Variants in PTGR2 observed in about 807,000 individuals in gnomAD.
PTGR2 encodes 15-oxoprostaglandin 13-reductase.
A neutral mutation model predicts 43.4 loss-of-function variants in PTGR2; 32 were observed. That is an observed-to-expected ratio of 0.74 (90% CI 0.56 to 0.99). PTGR2 has a LOEUF of 0.99. Ranked by LOEUF, PTGR2 falls within the 50% of genes least tolerant of loss-of-function variation. The pLI is 0.00. For missense variants in PTGR2, 373 were observed against 420.0 expected (o/e 0.89, Z 0.98); for synonymous variants, 106 against 139.2 (o/e 0.76, Z 1.68).
intron 3 of PTGR2, among the ~76,000 whole-genome samples, chr14:73,868,683 T>C (rs1361552401): frequency 3.9e-5 from 6 of 152,134 alleles, no homozygotes; most frequent in Middle Eastern, 3.4e-3. Flanking sequence ...CACCCCTGTA[T>C]ATCAGAGCCC....
chr14:73,878,977 TA>T, intron 5 of PTGR2, 118 bp from the exon 6 acceptor site: 1 of 775,440 alleles, frequency 1.3e-6, no homozygotes. Context: ...AAAAGCAGCG[TA>T]ATCTAACCTT....
intron 1 of PTGR2, among the ~76,000 whole-genome samples, chr14:73,852,330 C>T (rs769598392): frequency 1.4e-4 from 22 of 152,272 alleles, no homozygotes; most frequent in Middle Eastern, 3.4e-3. Flanking sequence ...GGCGCGATCT[C>T]GGCTCACTGC....
chr14:73,881,065 TA>T lies in PTGR2; in HGVS notation c.852-136del, dbSNP rs761900760. On this transcript the variant is annotated intron_variant, in intron 7 of 9. Coordinates refer to ENST00000555661, the MANE Select transcript of PTGR2 (RefSeq NM_001146154.2). ...CTACATTTACACCTGTAACTATGCA[TA>T]AAACTATCTGATCAGACTCAATGTG... The T allele has an allele frequency of 4.0e-4, 217 of 544,018 alleles. 1 individual carries two copies. The highest frequency in any genetic ancestry group is 5.6e-4 in the Non-Finnish European group (165 of 297,126). 33.7% of individuals were successfully genotyped at this position (544,018 alleles called of 1,614,324 possible). A position where few individuals can be genotyped will look rare whatever the true frequency, so the allele number is the denominator to read the frequency against.
intron 3 of PTGR2, among the ~76,000 whole-genome samples, chr14:73,864,862 T>C (rs2054568270): frequency 6.6e-6 from 1 of 152,232 alleles, no homozygotes; most frequent in Non-Finnish European, 1.5e-5. Flanking sequence ...GACTCATATC[T>C]AAGAAGGCTT....
chr14:73,877,307 C>T, intron 5 of PTGR2, 139 bp downstream of exon 5: 1 of 748,964 alleles, frequency 1.3e-6, no homozygotes, highest in Non-Finnish European at 2.0e-6. Context: ...ACAGAGTCTC[C>T]AGGCTGGAGT....
At chr14:73,860,733 T>C (rs2054471228) in intron 3 of PTGR2, 76 bp downstream of exon 3, 1 of 763,770 alleles carries the variant, frequency 1.3e-6, no homozygotes, top group South Asian at 1.5e-5. Flanking sequence ...TGAATCTTAT[T>C]GTGCAGTCCC....
chr14:73,868,478 G>A (rs2054653333), intron 3 of PTGR2, among the ~76,000 whole-genome samples: 1 of 152,060 alleles, frequency 6.6e-6, no homozygotes, highest in East Asian at 1.9e-4. Flanking sequence ...GACATCTTAG[G>A]GGGCTTGTGA....
chr14:73,852,502 C>T (rs1456351943), intron 1 of PTGR2, among the ~76,000 whole-genome samples: 1 of 152,144 alleles, frequency 6.6e-6, no homozygotes, highest in African/African-American at 2.4e-5. Context: ...CTGCCTGCCT[C>T]GGCCTCTCAG....
intron 1 of PTGR2, among the ~76,000 whole-genome samples, chr14:73,857,639 A>G (rs938472275): frequency 1.6e-5 from 2 of 128,778 alleles, no homozygotes; most frequent in African/African-American, 5.8e-5. Flanking sequence ...AATTTTTTTG[A>G]TTACATGTCA....
chr14:73,853,335 T>C (rs956037871), intron 1 of PTGR2, among the ~76,000 whole-genome samples: 2 of 119,412 alleles, frequency 1.7e-5, no homozygotes, highest in Non-Finnish European at 3.8e-5. Flanking sequence ...TTTTTCTTTT[T>C]TTTTGAGATG....
At chr14:73,855,555 T>C (rs2054326392) in intron 1 of PTGR2, among the ~76,000 whole-genome samples, 1 of 151,852 alleles carries the variant, frequency 6.6e-6, no homozygotes, top group African/African-American at 2.4e-5. Context: ...CAAGCAATTC[T>C]CCTGCCTCAG....
At chr14:73,878,855 A>G (rs910221397) in intron 5 of PTGR2, 7 of 477,510 alleles carry the variant, frequency 1.5e-5, no homozygotes, top group African/African-American at 1.2e-4. Flanking sequence ...ATTGGGACAT[A>G]TCCCTATCAT....
In PTGR2 at chr14:73,880,106, A is replaced by G. The variant is rs948356561; in HGVS notation, c.781A>G (p.Lys261Glu). The change falls in exon 7 of 10, where the codon AAA (lysine) becomes GAA (glutamate). Residue 261 changes from lysine to glutamate, a missense_variant. Lys to Glu is a moderately conservative substitution (Grantham distance 56). Transcript: ENST00000555661. ...ILCGQISQYN[K>E]DVPYPPPLSP... is the part of the protein sequence containing the mutation. ...GTGTGGTCAAATTTCTCAGTACAAC[A>G]AAGATGTGCCTTATCCTCCCCCGCT... 6.8e-6 allele frequency: 11 copies of G among 1,613,804 alleles called. No homozygotes were observed. Among genetic ancestry groups the G allele is most frequent in the South Asian group, 2.2e-5 (2 of 91,084 alleles).
intron 5 of PTGR2, chr14:73,878,694 C>T: frequency 2.5e-6 from 1 of 397,464 alleles, no homozygotes; most frequent in Non-Finnish European, 4.9e-6. Flanking sequence ...ACAACTGGTA[C>T]TCTACGGTGT....
chr14:73,857,730 G>A (rs1404942296), intron 1 of PTGR2, among the ~76,000 whole-genome samples: 2 of 133,078 alleles, frequency 1.5e-5, no homozygotes, highest in Non-Finnish European at 3.1e-5. Flanking sequence ...GTGCAGTGGT[G>A]CGATCTCGGC....
At chr14:73,883,185 T>TC (rs1297893164) in intron 9 of PTGR2, among the ~76,000 whole-genome samples, 1 of 88,888 alleles carries the variant, frequency 1.1e-5, no homozygotes, top group Non-Finnish European at 2.1e-5. Context: ...TCCCCTCACC[T>TC]CCCTTTTTTT....
chr14:73,876,980 G>GTATA lies in PTGR2; in HGVS notation c.349-14_349-11dup. The GTATA allele has an allele frequency of 6.3e-7, 1 of 1,593,990 alleles. No individual in the cohort carries two copies. The highest frequency in any genetic ancestry group is 8.6e-7 in the Non-Finnish European group (1 of 1,165,228). On this transcript the variant is annotated splice_polypyrimidine_tract_variant and intron_variant, in intron 4 of 9. Transcript: ENST00000555661. ...CAGGAATTCCTAGTATTTTTAAAGG[G>GTATA]TATATATTTTATTTTAGGTAGACCC... is the stretch of plus-strand genomic sequence containing the variant.
Position 73,860,613 on chromosome 14 carries a change from C to G in PTGR2, c.112C>G (p.Gln38Glu), listed in dbSNP as rs1428348918. ...VYLPDNINEG[Q>E]VQVRTLYLSV... ...TTTACCAGATAATATTAATGAAGGA[C>G]AAGTACAAGTTAGAACTCTTTATCT... The change falls in exon 3 of 10, where the codon CAA becomes GAA. Residue 38 changes from glutamine (Q) to glutamate (E), a missense_variant. Gln to Glu is a conservative substitution (Grantham distance 29, BLOSUM62 2). Transcript: ENST00000555661. The G allele has an allele frequency of 1.3e-6, 2 of 1,566,986 alleles. No homozygotes were observed. Among genetic ancestry groups the G allele is most frequent in the Non-Finnish European group, 1.8e-6 (2 of 1,142,606 alleles).
Position 73,861,735 on chromosome 14 carries a change from C to CA in PTGR2, c.156+1088dup, listed in dbSNP as rs1003679167. On this transcript the variant is annotated intron_variant, in intron 3 of 9. Transcript: ENST00000555661. ...CGGGTGATGGAGTGAGACCCTGTTGCAAAAAAAAAAGTCTCAGTGCTTGGA... is the reference window on the plus strand; with the variant it reads ...CGGGTGATGGAGTGAGACCCTGTTGCAAAAAAAAAAAGTCTCAGTGCTTGGA... 1.2e-4 allele frequency: 18 copies of CA among 145,232 alleles called. No individual in the cohort carries two copies. In the East Asian group the frequency reaches 1.8e-3, roughly 14 times the overall value. 9.0% of individuals were successfully genotyped at this position (145,232 alleles called of 1,614,324 possible). A position where few individuals can be genotyped will look rare whatever the true frequency, so the allele number is the denominator to read the frequency against.
Sources: allele counts gnomAD v4.1 joint callset (sites outside exome capture counted in the v4.1 genomes callset), GRCh38; gene constraint gnomAD v4.1.1; transcripts MANE v1.5; gene names NCBI Gene and HGNC (gene_info 2026-07-23, HGNC 2026-07-21).